Variants in FBXW9 observed in about 807,000 individuals in gnomAD.
The protein encoded by FBXW9 is F-box/WD repeat-containing protein 9.
FBXW9 carries 38 observed loss-of-function variants against 55.8 expected under a neutral mutation model. That is an observed-to-expected ratio of 0.68 (90% CI 0.53 to 0.89). The LOEUF (loss-of-function observed/expected upper bound fraction) is 0.89. FBXW9 is among the 40% of genes least tolerant of loss of function. The pLI is 0.00. For synonymous variants in FBXW9, 289 were observed against 278.2 expected (o/e 1.04, Z -0.38); for missense variants, 590 against 619.4 (o/e 0.95, Z 0.50).
intron 1 of FBXW9, among the ~76,000 whole-genome samples, chr19:12,695,621 A>T (rs1255590159): frequency 6.6e-6 from 1 of 152,148 alleles, no homozygotes; most frequent in Non-Finnish European, 1.5e-5. Flanking sequence ...CAGGATCAAC[A>T]ATATCGATTC....
chr19:12,690,863 C>T (rs191201495), intron 5 of FBXW9, among the ~76,000 whole-genome samples: 78 of 152,290 alleles, frequency 5.1e-4, no homozygotes, highest in Non-Finnish European at 8.2e-4. Flanking sequence ...CCCCCATTAA[C>T]CCCATGGGGC....
At chr19:12,693,801 G>C (rs1331083620) in intron 3 of FBXW9, among the ~76,000 whole-genome samples, 1 of 150,372 alleles carries the variant, frequency 6.7e-6, no homozygotes, top group Admixed American at 6.7e-5. Context: ...TGAGACAGGA[G>C]AATCACTTGA....
chr19:12,689,719 G>C lies in FBXW9; in HGVS notation c.1146+42C>G, dbSNP rs2024976908. The C allele has an allele frequency of 6.2e-7, 1 of 1,609,520 alleles. No individual in the cohort carries two copies. The highest frequency in any genetic ancestry group is 1.3e-5 in the African/African-American group (1 of 74,802). On this transcript the variant is annotated intron_variant, in intron 7 of 9. Coordinates refer to ENST00000393261, the MANE Select transcript of FBXW9 (RefSeq NM_032301.3). This position sits in a 1 kb window ranked among gnomAD's most constrained non-coding sequence, Gnocchi z 5.9. ...CACCAGGGGCTCGGGTAGGAAGGAAGCCCGGGGGGAGGGACAGTCAGGGGC... is the reference window on the plus strand; with the variant it reads ...CACCAGGGGCTCGGGTAGGAAGGAACCCCGGGGGGAGGGACAGTCAGGGGC...
In FBXW9 at chr19:12,689,135, C is replaced by A; in HGVS notation, c.*81G>T. 8.6e-7 allele frequency: 1 copy of A among 1,158,924 alleles called. No homozygotes were observed. The highest frequency in any genetic ancestry group is 1.3e-6 in the Non-Finnish European group (1 of 767,528). 71.8% of individuals were successfully genotyped at this position (1,158,924 alleles called of 1,614,324 possible). A position where few individuals can be genotyped will look rare whatever the true frequency, so the allele number is the denominator to read the frequency against. On this transcript the variant is annotated 3_prime_UTR_variant, in exon 10 of 10. Coordinates refer to ENST00000393261, the MANE Select transcript of FBXW9 (RefSeq NM_032301.3). The surrounding 1 kb of genome is among the most constrained non-coding windows in gnomAD (Gnocchi z 5.9). Reference sequence around the variant, plus strand: ...CTAGGCCCACGGGGCGGAGGCAGCACCAACATTGGGGATGGTCCCCCAAGA... The same window carrying A: ...CTAGGCCCACGGGGCGGAGGCAGCAACAACATTGGGGATGGTCCCCCAAGA...
Position 12,694,669 on chromosome 19 carries a change from G to A in FBXW9, c.603C>T (p.Asp201=), listed in dbSNP as rs771688000. 6.2e-7 allele frequency: 1 copy of A among 1,614,178 alleles called. No homozygotes were observed. Among genetic ancestry groups the A allele is most frequent in the Non-Finnish European group, 8.5e-7 (1 of 1,180,048 alleles). The change falls in exon 3 of 10, where the codon GAC becomes GAT. Residue 201 remains aspartate (D), a synonymous_variant. Coordinates refer to ENST00000393261, the MANE Select transcript of FBXW9 (RefSeq NM_032301.3). ...TGGACTCCGTCCCCAGCTGCCGCAG[G>A]TCCCACAAGTTGACGTTGCGATCTC... ...GSRDRNVNLW[D]LRQLGTESNQ...
intron 3 of FBXW9, among the ~76,000 whole-genome samples, chr19:12,692,431 G>C (rs2025021132): frequency 6.6e-6 from 1 of 151,764 alleles, no homozygotes; most frequent in South Asian, 2.1e-4. Context: ...TCTCCATGTT[G>C]GTCAGGCTGG....
In FBXW9 at chr19:12,691,154, C is replaced by A. The variant is rs1301124265; in HGVS notation, c.883+12G>T. Reference sequence around the variant, plus strand: ...ACATCTCCCAACCTGGGCCCCAGGACCCTTGGCCCACCTCTGGGGTCGTAG... The same window carrying A: ...ACATCTCCCAACCTGGGCCCCAGGAACCTTGGCCCACCTCTGGGGTCGTAG... On this transcript the variant is annotated intron_variant, in intron 5 of 9. Coordinates refer to ENST00000393261, the MANE Select transcript of FBXW9 (RefSeq NM_032301.3). The A allele has an allele frequency of 6.2e-7, 1 of 1,612,480 alleles. No homozygotes were observed. Among genetic ancestry groups the A allele is most frequent in the Non-Finnish European group, 8.5e-7 (1 of 1,178,532 alleles).
intron 3 of FBXW9, among the ~76,000 whole-genome samples, chr19:12,693,597 CACACACACACAA>C (rs2025040697): frequency 2.1e-5 from 2 of 97,200 alleles, no homozygotes; most frequent in African/African-American, 5.8e-5. Context: ...CACACACACA[CACACACACACAA>C]AAGAAATTAG....
At chr19:12,692,552 C>T (rs1267480068) in intron 3 of FBXW9, among the ~76,000 whole-genome samples, 4 of 137,964 alleles carry the variant, frequency 2.9e-5, no homozygotes, top group Non-Finnish European at 6.1e-5. Flanking sequence ...GACATAGTAT[C>T]GCTCTGTCGC....
chr19:12,695,118 G>C (rs2025057952), intron 1 of FBXW9, among the ~76,000 whole-genome samples, 180 bp from the exon 2 acceptor site: 1 of 152,172 alleles, frequency 6.6e-6, no homozygotes, highest in Non-Finnish European at 1.5e-5. Flanking sequence ...CCACCTGCCT[G>C]CCCATTTCCC....
At chr19:12,693,588 ACACACACACACAC>A (rs2025040253) in intron 3 of FBXW9, among the ~76,000 whole-genome samples, 2 of 119,786 alleles carry the variant, frequency 1.7e-5, no homozygotes, top group African/African-American at 8.9e-5. Flanking sequence ...ACACACACAC[ACACACACACACAC>A]ACACACAAAA....
intron 1 of FBXW9, 30 bp downstream of exon 1, chr19:12,696,143 C>T (rs935160765): frequency 2.1e-6 from 3 of 1,457,010 alleles, no homozygotes; most frequent in African/African-American, 2.9e-5. Flanking sequence ...CGCCCCCGGC[C>T]CCCGGTCCCC....
Position 12,691,537 on chromosome 19 carries a change from G to C in FBXW9, c.679-83C>G, listed in dbSNP as rs577546462. On this transcript the variant is annotated intron_variant, in intron 3 of 9. Coordinates refer to ENST00000393261, the MANE Select transcript of FBXW9 (RefSeq NM_032301.3). ...GGATCGTTCTGTTTTTGCAGGTAAG[G>C]CTCAGAGAGGTCAAGAGACTCACCC... 3 of 1,181,736 alleles carry C rather than the reference G, an allele frequency of 2.5e-6. No homozygotes were observed. The South Asian group carries it at 4.0e-5, about 16-fold the overall frequency. The allele number at this position is 1,181,736 out of a possible 1,614,324, so 73.2% of individuals were successfully genotyped here.
At position 12,696,297 on chromosome 19, in the gene FBXW9, G is replaced by C; in HGVS notation, c.285C>G (p.Asp95Glu). The change falls in exon 1 of 10, where the codon GAC becomes GAG. Residue 95 changes from aspartate to glutamate, a missense_variant. Transcript: ENST00000393261. ...ELLLEICSYL[D>E]ARLVLHVLSR... ...ACAGGACGTGGAGCACGAGGCGGGC[G>C]TCCAGGTAGGAGCAGATCTCGAGCA... 2 of 1,578,170 alleles carry C rather than the reference G, an allele frequency of 1.3e-6. No homozygotes were observed. The highest frequency in any genetic ancestry group is 1.7e-6 in the Non-Finnish European group (2 of 1,162,640).
Position 12,694,524 on chromosome 19 carries a change from C to A in FBXW9, c.678+70G>T, listed in dbSNP as rs2025050069. ...GATTCAAATCTATGCGGTCCTGTAC[C>A]AAAACCTGGGGCCTTAACCAAGATG... On this transcript the variant is annotated intron_variant, in intron 3 of 9. Coordinates refer to ENST00000393261, the MANE Select transcript of FBXW9 (RefSeq NM_032301.3). 2.6e-6 allele frequency: 4 copies of A among 1,551,590 alleles called. No individual in the cohort carries two copies. The Admixed American group carries it at 5.4e-5, about 21-fold the overall frequency.
chr19:12,695,005 C>G, intron 1 of FBXW9, 67 bp from the exon 2 acceptor site: 8 of 1,551,576 alleles, frequency 5.2e-6, no homozygotes, highest in Non-Finnish European at 7.0e-6. Context: ...GCTGGCCAAG[C>G]CCAACCCTGG....
chr19:12,689,861 A>C lies in FBXW9; in HGVS notation c.1046T>G (p.Leu349Arg). ...GGGTTCCTGGTAGGACATGCAGAGC[A>C]GGTAGGAGTCCAGCTACGAGAGGGA... ...VLQRLQLDSY[L>R]LCMSYQEPQL... Residue 349 changes from leucine (L) to arginine (R), a missense_variant, in exon 7 of 10, where the codon CTG becomes CGG. Coordinates refer to ENST00000393261, the MANE Select transcript of FBXW9 (RefSeq NM_032301.3). The surrounding 1 kb of genome is among the most constrained non-coding windows in gnomAD (Gnocchi z 5.9). The C allele has an allele frequency of 6.2e-7, 1 of 1,614,084 alleles. No individual in the cohort carries two copies. The highest frequency in any genetic ancestry group is 8.5e-7 in the Non-Finnish European group (1 of 1,179,980).
At chr19:12,694,569 C>T (rs1288076556) in intron 3 of FBXW9, 25 bp downstream of exon 3, 1 of 1,610,190 alleles carries the variant, frequency 6.2e-7, no homozygotes, top group Non-Finnish European at 8.5e-7. Context: ...GGCCTCATAC[C>T]TCCTATCCCC....
intron 5 of FBXW9, 75 bp downstream of exon 5, chr19:12,691,091 C>A: frequency 7.7e-7 from 1 of 1,291,346 alleles, no homozygotes; most frequent in Non-Finnish European, 1.1e-6. Context: ...ATGACCCCAG[C>A]CAGGCTGTGA....
Sources: gnomAD v4.1 joint callset for allele counts (sites outside exome capture counted in the v4.1 genomes callset) on GRCh38, gnomAD v4.1.1 for gene constraint, Gnocchi (gnomAD v3.1) non-coding constraint, MANE v1.5 for transcripts, NCBI Gene and HGNC (gene_info 2026-07-23, HGNC 2026-07-21) for gene names.